Variants in IMPG1 observed in about 807,000 individuals in gnomAD.
The protein encoded by IMPG1 is interphotoreceptor matrix proteoglycan 1.
A neutral mutation model predicts 92.0 loss-of-function variants in IMPG1; 85 were observed. That is an observed-to-expected ratio of 0.92 (90% CI 0.78 to 1.11). The LOEUF is 1.11. Ranked by LOEUF, IMPG1 falls within the 50% of genes least tolerant of loss-of-function variation. The pLI is 0.00. For synonymous variants in IMPG1, 367 were observed against 334.1 expected (o/e 1.10, Z -1.08); for missense variants, 1,022 against 956.0 (o/e 1.07, Z -0.91).
chr6:75,988,492 G>A (rs1782761490), intron 12 of IMPG1, among the ~76,000 whole-genome samples: 1 of 152,016 alleles, frequency 6.6e-6, no homozygotes, highest in Non-Finnish European at 1.5e-5. Context: ...TTGTAAATTT[G>A]TTTAAGTTTT....
rs751369259 is a variant in IMPG1 at position 76,042,123 on chromosome 6, A to G, written c.71T>C (p.Ile24Thr). 2 of 1,468,038 alleles carry G rather than the reference A, an allele frequency of 1.4e-6. No homozygotes were observed. The highest frequency in any genetic ancestry group is 2.3e-5 in the South Asian group (2 of 87,970). The allele number at this position is 1,468,038 out of a possible 1,614,324, so 90.9% of individuals were successfully genotyped here. A position where few individuals can be genotyped will look rare whatever the true frequency, so the allele number is the denominator to read the frequency against. Residue 24 changes from isoleucine (I) to threonine (T), a missense_variant, in exon 2 of 17, where the codon ATC becomes ACC. Physicochemically the swap from Ile to Thr is moderately conservative, Grantham distance 89 (BLOSUM62 -1). Transcript: ENST00000369950. Reference protein sequence around the residue: ...IFLQVQGTKDISINIYHSETK... With the variant: ...IFLQVQGTKDTSINIYHSETK... ...TTCAGAATGGTATATGTTAATGGAG[A>G]TATCTGTAAAAGAAAGATTGATATC...
intron 12 of IMPG1, among the ~76,000 whole-genome samples, chr6:76,002,302 T>C (rs1396411704): frequency 6.6e-6 from 1 of 152,224 alleles, no homozygotes; most frequent in East Asian, 1.9e-4. Flanking sequence ...TGTTGCTAAA[T>C]ATTTCTCTTT....
intron 14 of IMPG1, among the ~76,000 whole-genome samples, chr6:75,932,981 G>A (rs1422210182): frequency 2.6e-5 from 4 of 152,206 alleles, no homozygotes; most frequent in South Asian, 2.1e-4. Context: ...GATTACAGGC[G>A]TGAGCCACCG....
intron 12 of IMPG1, among the ~76,000 whole-genome samples, chr6:75,984,375 T>G (rs181312249): frequency 2.0e-5 from 3 of 152,192 alleles, no homozygotes; most frequent in African/African-American, 7.2e-5. Flanking sequence ...TGAAAAGCTA[T>G]TCAGTCTTAA....
At chr6:76,004,998 T>C (rs140130467) in intron 10 of IMPG1, among the ~76,000 whole-genome samples, 4 of 152,342 alleles carry the variant, frequency 2.6e-5, no homozygotes, top group Admixed American at 2.0e-4. Flanking sequence ...GTAACAGAAC[T>C]GTCTGTGGGT....
rs34000613 is a variant in IMPG1 at position 75,963,044 on chromosome 6, GA to G, written c.1292-11951del. Among the ~76,000 whole-genome samples, 333 of 139,790 alleles carry G rather than the reference GA, an allele frequency of 2.4e-3. 1 individual carries two copies. Among genetic ancestry groups the G allele is most frequent in the Middle Eastern group, 3.7e-3 (1 of 272 alleles). 91.7% of individuals were successfully genotyped at this position (139,790 alleles called of 152,430 possible). On this transcript the variant is annotated intron_variant, in intron 12 of 16. Coordinates refer to ENST00000369950, the MANE Select transcript of IMPG1 (RefSeq NM_001563.4). ...CTACAGAGTGACTCTCTGTCTCCAG[GA>G]AAAAAAAAAAAAATCACAGAAAACA...
At chr6:75,954,541 A>T (rs944408519) in intron 12 of IMPG1, among the ~76,000 whole-genome samples, 1 of 152,090 alleles carries the variant, frequency 6.6e-6, no homozygotes, top group Admixed American at 6.6e-5. Context: ...AGATTGCCAA[A>T]ATTTTTTCCC....
chr6:75,974,376 TTTC>T (rs1205433233), intron 12 of IMPG1, among the ~76,000 whole-genome samples: 931 of 90,942 alleles, frequency 0.01, 19 homozygotes, highest in African/African-American at 0.029. Flanking sequence ...TCTTTCTTTC[TTTC>T]TTTCTTTCTT....
Position 75,931,157 on chromosome 6 carries a change from AG to A in IMPG1, c.2045-7del. On this transcript the variant is annotated splice_polypyrimidine_tract_variant and splice_region_variant and intron_variant, in intron 14 of 16. Coordinates refer to ENST00000369950, the MANE Select transcript of IMPG1 (RefSeq NM_001563.4). ...GCAGGGATCTGCTTGATCAGCTGTAAGAAATGGGGCAGATTTTAACGCATGT... is the reference window on the plus strand; with the variant it reads ...GCAGGGATCTGCTTGATCAGCTGTAAAAATGGGGCAGATTTTAACGCATGT... 1 of 1,607,970 alleles carries A rather than the reference AG, an allele frequency of 6.2e-7. No homozygotes were observed.
intron 12 of IMPG1, among the ~76,000 whole-genome samples, chr6:76,000,802 G>A (rs902944538): frequency 2.0e-5 from 3 of 152,140 alleles, no homozygotes; most frequent in Non-Finnish European, 2.9e-5. Context: ...GTGATTAGGA[G>A]GTGACATAAT....
intron 12 of IMPG1, among the ~76,000 whole-genome samples, chr6:76,001,858 A>G (rs1420349068): frequency 6.6e-6 from 1 of 152,242 alleles, no homozygotes; most frequent in Non-Finnish European, 1.5e-5. Flanking sequence ...CAAGAAGTTA[A>G]CATTTATTCA....
At chr6:76,055,274 T>A (rs1784102276) in intron 1 of IMPG1, among the ~76,000 whole-genome samples, 1 of 151,936 alleles carries the variant, frequency 6.6e-6, no homozygotes, top group African/African-American at 2.4e-5. Flanking sequence ...AAATGGAAAA[T>A]CTTTATGTAT....
chr6:76,070,213 A>T (rs1167126285), intron 1 of IMPG1, among the ~76,000 whole-genome samples: 1 of 152,218 alleles, frequency 6.6e-6, no homozygotes, highest in Admixed American at 6.5e-5. Context: ...AATGGCCAAC[A>T]AACATATGAA....
chr6:76,034,693 C>G lies in IMPG1; in HGVS notation c.396G>C (p.Gln132His), dbSNP rs746343649. The change falls in exon 3 of 17, where the codon CAG (glutamine) becomes CAC (histidine). Residue 132 changes from glutamine to histidine, a missense_variant. Around this residue, in one of 3 missense-constraint regions of IMPG1, gnomAD observed 681 missense variants for 583.6 expected, o/e 1.17. Coordinates refer to ENST00000369950, the MANE Select transcript of IMPG1 (RefSeq NM_001563.4). ...EYQDWVSICQQETFCLFDIGK... is the reference protein window; with the variant it reads ...EYQDWVSICQHETFCLFDIGK... ...CAATGTCAAAGAGGCAGAAGGTCTC[C>G]TGCTGGCAGATGCTGACCCAGTCCT... 5 of 1,614,176 alleles carry G rather than the reference C, an allele frequency of 3.1e-6. No homozygotes were observed. Among genetic ancestry groups the G allele is most frequent in the South Asian group, 2.2e-5 (2 of 91,080 alleles).
chr6:76,011,014 G>C lies in IMPG1; in HGVS notation c.866+152C>G, dbSNP rs1321454340. The C allele has an allele frequency of 5.3e-6, 3 of 566,550 alleles. No individual in the cohort carries two copies. In the African/African-American group the frequency reaches 5.7e-5, roughly 11 times the overall value. 35.1% of individuals were successfully genotyped at this position (566,550 alleles called of 1,614,324 possible). A position where few individuals can be genotyped will look rare whatever the true frequency, so the allele number is the denominator to read the frequency against. On this transcript the variant is annotated intron_variant, in intron 8 of 16. Transcript: ENST00000369950. ...CCTAGAGTCATGTTCTAATTAGACAGTTCCTTTATCTGAAACGTACTCCGT... is the reference window on the plus strand; with the variant it reads ...CCTAGAGTCATGTTCTAATTAGACACTTCCTTTATCTGAAACGTACTCCGT...
At chr6:76,043,607 G>A (rs1783883479) in intron 1 of IMPG1, among the ~76,000 whole-genome samples, 1 of 152,086 alleles carries the variant, frequency 6.6e-6, no homozygotes, top group Admixed American at 6.6e-5. Context: ...TAGAATACGG[G>A]CATCAGCAAA....
At chr6:76,028,532 G>A (rs867990723) in intron 4 of IMPG1, among the ~76,000 whole-genome samples, 1 of 152,150 alleles carries the variant, frequency 6.6e-6, no homozygotes, top group East Asian at 1.9e-4. Flanking sequence ...ACTATTTATA[G>A]CCTTTAACAA....
intron 9 of IMPG1, 85 bp downstream of exon 9, chr6:76,007,395 T>TG: frequency 1.0e-6 from 1 of 981,018 alleles, no homozygotes; most frequent in Non-Finnish European, 1.6e-6. Flanking sequence ...AGACATTATA[T>TG]GTAAAAATTA....
intron 12 of IMPG1, 80 bp downstream of exon 12, chr6:76,002,838 G>T: frequency 9.2e-7 from 1 of 1,092,892 alleles, no homozygotes; most frequent in Non-Finnish European, 1.4e-6. Flanking sequence ...CTTTGTCACT[G>T]GTCTTTGAGG....
Sources: allele counts gnomAD v4.1 joint callset (sites outside exome capture counted in the v4.1 genomes callset), GRCh38; gene constraint gnomAD v4.1.1; regional missense constraint gnomAD v4.1.1; transcripts MANE v1.5; gene names NCBI Gene and HGNC (gene_info 2026-07-23, HGNC 2026-07-21).